The following KAZN variants were observed in gnomAD, a reference collection of about 807,000 sequenced individuals.
The protein encoded by KAZN is kazrin, periplakin interacting protein.
KAZN carries 40 observed loss-of-function variants against 87.4 expected under a neutral mutation model. The ratio of observed to expected loss-of-function variants is 0.46; its 90% CI spans 0.36 to 0.60. KAZN has a LOEUF of 0.60. Among genes scored for constraint, KAZN ranks in the 20% least tolerant of loss-of-function variants. KAZN has a pLI of 0.00. For missense variants in KAZN, 898 were observed against 1,073.9 expected (o/e 0.84, Z 2.29); for synonymous variants, 466 against 458.3 (o/e 1.02, Z -0.22).
At chr1:14,193,044 T>C (rs1295460398) in intron 2 of KAZN, among the ~76,000 whole-genome samples, 5 of 152,124 alleles carry the variant, frequency 3.3e-5, no homozygotes, top group African/African-American at 7.2e-5. Flanking sequence ...AGTTCCCCCA[T>C]GCTGTTCTCA....
chr1:14,997,105 AT>A (rs1381690816), intron 2 of KAZN, among the ~76,000 whole-genome samples: 1 of 150,824 alleles, frequency 6.6e-6, no homozygotes, highest in Non-Finnish European at 1.5e-5. Flanking sequence ...TCCTTCCTGA[AT>A]TTTCCCTCAC....
At chr1:14,674,456 G>T (rs1640097839) in intron 1 of KAZN, among the ~76,000 whole-genome samples, 1 of 152,242 alleles carries the variant, frequency 6.6e-6, no homozygotes, top group Admixed American at 6.5e-5. Flanking sequence ...TGCCAGATGA[G>T]TGCTTAGTGG....
At chr1:14,973,878 T>C (rs1665343962) in intron 2 of KAZN, among the ~76,000 whole-genome samples, 1 of 152,270 alleles carries the variant, frequency 6.6e-6, no homozygotes, top group East Asian at 1.9e-4. Context: ...ACACACTGCC[T>C]GTAAATCTTA....
intron 2 of KAZN, among the ~76,000 whole-genome samples, chr1:14,419,959 C>A (rs772463343): frequency 5.3e-5 from 8 of 152,140 alleles, no homozygotes; most frequent in Non-Finnish European, 8.8e-5. Context: ...TGGAAGGGAA[C>A]ATTAGGGGAT....
chr1:13,951,433 G>A (rs1485466297), intron 1 of KAZN, among the ~76,000 whole-genome samples: 1 of 152,082 alleles, frequency 6.6e-6, no homozygotes, highest in Non-Finnish European at 1.5e-5. Context: ...CACACTTCCT[G>A]GTGAGCTCAG....
chr1:14,426,165 C>G (rs1198935973), intron 2 of KAZN, among the ~76,000 whole-genome samples: 1 of 152,188 alleles, frequency 6.6e-6, no homozygotes, highest in Non-Finnish European at 1.5e-5. Flanking sequence ...CTTCTCATTT[C>G]ATGGTTTTGC....
At position 14,978,160 on chromosome 1, in the gene KAZN, TAAA is replaced by T. The variant is rs545172035; in HGVS notation, c.418+17286_418+17288del. Among the ~76,000 whole-genome samples the T allele has an allele frequency of 5.3e-3, 814 of 152,316 alleles. 5 individuals are homozygous for T. Among genetic ancestry groups the T allele is most frequent in the South Asian group, 0.012 (58 of 4,828 alleles). On this transcript the variant is annotated intron_variant, in intron 2 of 14. Transcript: ENST00000376030. ...ATTCCCAGCTGGGGCTGGTTCTTGC[TAAA>T]GACCTCTTTCTTTCCTTGGGCACAT...
intron 1 of KAZN, among the ~76,000 whole-genome samples, chr1:14,050,101 TATGTGCACATGTGTGTGGGCATGC>T (rs34636949): frequency 0.22 from 33,709 of 151,090 alleles, 4,063 homozygotes; most frequent in African/African-American, 0.31. Flanking sequence ...TGTGTGCATG[TATGTGCACATGTGTGTGGGCATGC>T]ATGTGCACAT....
chr1:14,881,539 A>G (rs535070164), intron 1 of KAZN, among the ~76,000 whole-genome samples: 11 of 152,216 alleles, frequency 7.2e-5, no homozygotes, highest in Non-Finnish European at 1.6e-4. Context: ...TGTTTATAGA[A>G]TACTGATTAT....
At chr1:15,091,778 T>C (rs1640544031) in intron 8 of KAZN, among the ~76,000 whole-genome samples, 1 of 152,246 alleles carries the variant, frequency 6.6e-6, no homozygotes, top group Admixed American at 6.5e-5. Flanking sequence ...CCATTCATAT[T>C]GCTTCCTAGT....
intron 2 of KAZN, among the ~76,000 whole-genome samples, chr1:14,393,206 G>C (rs1214875604): frequency 6.6e-6 from 1 of 152,102 alleles, no homozygotes; most frequent in African/African-American, 2.4e-5. Context: ...GCTCCAAACA[G>C]GCACTTTCTC....
chr1:14,742,553 G>T (rs187944731), intron 1 of KAZN, among the ~76,000 whole-genome samples: 2 of 152,176 alleles, frequency 1.3e-5, no homozygotes, highest in African/African-American at 4.8e-5. Context: ...AACCAATCTC[G>T]CCTCTCTGTG....
chr1:14,302,688 A>T (rs2100784469), intron 2 of KAZN, among the ~76,000 whole-genome samples: 1 of 152,308 alleles, frequency 6.6e-6, no homozygotes. Flanking sequence ...GTTTTATCAT[A>T]TTTTCAAAAC....
At chr1:15,098,640 G>T (rs539630664) in intron 10 of KAZN, among the ~76,000 whole-genome samples, 3 of 152,240 alleles carry the variant, frequency 2.0e-5, no homozygotes, top group African/African-American at 7.2e-5. Flanking sequence ...GCTCCTGCCC[G>T]AGAGAACCGT....
At chr1:14,449,256 T>C (rs1162700513) in intron 2 of KAZN, among the ~76,000 whole-genome samples, 1 of 152,218 alleles carries the variant, frequency 6.6e-6, no homozygotes, top group Non-Finnish European at 1.5e-5. Context: ...TTTGGCTTCA[T>C]TATCAAGTAA....
chr1:14,774,164 C>T lies in KAZN; in HGVS notation c.226+174941C>T, dbSNP rs186626239. On this transcript the variant is annotated intron_variant, in intron 1 of 14. Transcript: ENST00000376030. ...TCTCTTCTCTCTCACCCCTGTGTCC[C>T]CAAGAGGCAGTCTGGGGGTGAAACT... Among the ~76,000 whole-genome samples, 284 of 152,316 alleles carry T rather than the reference C, an allele frequency of 1.9e-3. 1 individual carries two copies. The highest frequency in any genetic ancestry group is 6.5e-3 in the African/African-American group (272 of 41,582).
In KAZN at chr1:14,212,974, A is replaced by T. The variant is rs567643103; in HGVS notation, c.249+32382A>T. Among the ~76,000 whole-genome samples the T allele has an allele frequency of 1.8e-4, 28 of 152,364 alleles. 1 individual carries two copies. The highest frequency in any genetic ancestry group is 6.8e-3 in the Middle Eastern group (2 of 294). On this transcript the variant is annotated intron_variant, in intron 2 of 16. Coordinates refer to the KAZN transcript ENST00000636203. ...GGATTTCTTTAATTAATAAATCCCTATAATGAATTCAAAATGACATCTGTT... is the reference window on the plus strand; with the variant it reads ...GGATTTCTTTAATTAATAAATCCCTTTAATGAATTCAAAATGACATCTGTT...
intron 2 of KAZN, among the ~76,000 whole-genome samples, chr1:14,302,706 G>T (rs1053419140): frequency 7.9e-5 from 12 of 152,106 alleles, no homozygotes; most frequent in Non-Finnish European, 1.5e-4. Flanking sequence ...AACAGTCTAT[G>T]ATCTCCAAAA....
chr1:14,514,623 A>ATTTTATATATTTTTTTATATTTTT (rs1671204423), intron 2 of KAZN, among the ~76,000 whole-genome samples: 2 of 53,726 alleles, frequency 3.7e-5, no homozygotes, highest in Non-Finnish European at 8.6e-5. Flanking sequence ...ATATATATAT[A>ATTTTATATATTTTTTTATATTTTT]TATATATATA....
Sources: gnomAD v4.1 joint callset for allele counts (sites outside exome capture counted in the v4.1 genomes callset) on GRCh38, gnomAD v4.1.1 for gene constraint, MANE v1.5 for transcripts, NCBI Gene and HGNC (gene_info 2026-07-23, HGNC 2026-07-21) for gene names.